The following ROR1 variants were observed in gnomAD, a reference collection of about 807,000 sequenced individuals.
The protein encoded by ROR1 is ROR family WNT receptor 1, also known as inactive tyrosine-protein kinase transmembrane receptor ROR1.
Under a neutral mutation model 78.8 loss-of-function variants are expected in ROR1, and 19 were observed. The ratio of observed to expected loss-of-function variants is 0.24; its 90% CI spans 0.17 to 0.35. ROR1 has a LOEUF of 0.35. Ranked by LOEUF, ROR1 falls within the 10% of genes least tolerant of loss-of-function variation. The pLI is 1.00. For missense variants in ROR1, 917 were observed against 1,177.8 expected (o/e 0.78, Z 3.24); for synonymous variants, 386 against 433.6 (o/e 0.89, Z 1.36).
At chr1:63,980,574 T>G (rs2100508544) in intron 1 of ROR1, among the ~76,000 whole-genome samples, 1 of 152,324 alleles carries the variant, frequency 6.6e-6, no homozygotes, top group South Asian at 2.1e-4. Flanking sequence ...ATGGCATCAT[T>G]TTGGGAGCAA....
At chr1:64,094,104 A>G (rs572117357) in intron 4 of ROR1, among the ~76,000 whole-genome samples, 1 of 152,310 alleles carries the variant, frequency 6.6e-6, no homozygotes, top group African/African-American at 2.4e-5. Context: ...CTCTCTTAAC[A>G]TAAGTTTGAC....
At chr1:63,791,264 T>C (rs971204682) in intron 1 of ROR1, among the ~76,000 whole-genome samples, 5 of 151,956 alleles carry the variant, frequency 3.3e-5, no homozygotes, top group Admixed American at 3.3e-4. Flanking sequence ...GCACAGGTCC[T>C]GGAAGGTGTG....
At chr1:63,894,594 A>G (rs1645424951) in intron 1 of ROR1, among the ~76,000 whole-genome samples, 1 of 152,118 alleles carries the variant, frequency 6.6e-6, no homozygotes, top group Non-Finnish European at 1.5e-5. Flanking sequence ...CTCCTGTAGC[A>G]CAGGGGAGGT....
At chr1:63,839,905 A>C (rs916306617) in intron 1 of ROR1, among the ~76,000 whole-genome samples, 1 of 152,302 alleles carries the variant, frequency 6.6e-6, no homozygotes, top group African/African-American at 2.4e-5. Context: ...TTTGATGAAA[A>C]TCCAAGGTGG....
In ROR1 at chr1:63,806,234, G is replaced by A. The variant is rs148025588; in HGVS notation, c.91+31726G>A. 7.2e-5 allele frequency among the ~76,000 whole-genome samples: 11 copies of A among 152,132 alleles called. No homozygotes were observed. In the South Asian group the frequency reaches 1.7e-3, roughly 23 times the overall value. ...CTTGTTACATAGCCTGGTCAAGTGC[G>A]CTGGAACAAGGGTACTGCTCTGCAG... On this transcript the variant is annotated intron_variant, in intron 1 of 8. Transcript: ENST00000371079.
At chr1:64,138,546 C>CTT (rs1185135650) in intron 5 of ROR1, among the ~76,000 whole-genome samples, 4 of 133,676 alleles carry the variant, frequency 3.0e-5, no homozygotes, top group Admixed American at 7.6e-5. Flanking sequence ...GGGAGGAGGA[C>CTT]TTTTTTTTTT....
intron 4 of ROR1, among the ~76,000 whole-genome samples, chr1:64,099,999 G>A (rs1457415836): frequency 6.6e-6 from 1 of 152,218 alleles, no homozygotes; most frequent in African/African-American, 2.4e-5. Context: ...AGGTTGCAGT[G>A]AGCCAAGATC....
intron 1 of ROR1, among the ~76,000 whole-genome samples, chr1:63,983,384 TA>T (rs1646225986): frequency 6.6e-6 from 1 of 152,188 alleles, no homozygotes; most frequent in Non-Finnish European, 1.5e-5. Context: ...GAGGACTGTC[TA>T]GTGTTTCAGC....
At chr1:63,834,646 ATT>A (rs763900205) in intron 1 of ROR1, among the ~76,000 whole-genome samples, 1 of 152,088 alleles carries the variant, frequency 6.6e-6, no homozygotes, top group Non-Finnish European at 1.5e-5. Context: ...GAGTTATTAC[ATT>A]TCTTCCTCTG....
intron 4 of ROR1, among the ~76,000 whole-genome samples, chr1:64,089,782 G>A (rs1053977172): frequency 2.0e-5 from 3 of 152,122 alleles, no homozygotes; most frequent in Admixed American, 6.5e-5. Context: ...AAGATGATAC[G>A]GTTTGGTTGT....
chr1:63,846,717 G>A (rs550752644), intron 1 of ROR1, among the ~76,000 whole-genome samples: 81 of 152,298 alleles, frequency 5.3e-4, no homozygotes, highest in Non-Finnish European at 7.9e-4. Context: ...AGGGAACTGA[G>A]GCAATAGATA....
chr1:64,128,319 A>G (rs75841453), intron 4 of ROR1, among the ~76,000 whole-genome samples: 1 of 151,624 alleles, frequency 6.6e-6, no homozygotes, highest in African/African-American at 2.4e-5. Context: ...AAGTAAAAAA[A>G]CTAGCCAAGC....
chr1:64,001,986 G>T (rs1041575879), intron 1 of ROR1, among the ~76,000 whole-genome samples: 7 of 152,016 alleles, frequency 4.6e-5, no homozygotes, highest in Non-Finnish European at 1.0e-4. Context: ...GTTGTGGTGG[G>T]GGTGGTGGCT....
intron 1 of ROR1, among the ~76,000 whole-genome samples, chr1:63,954,457 A>G (rs1012605234): frequency 6.6e-6 from 1 of 152,206 alleles, no homozygotes; most frequent in Non-Finnish European, 1.5e-5. Context: ...GGAAGAGGGA[A>G]GAACAGATAT....
intron 4 of ROR1, among the ~76,000 whole-genome samples, chr1:64,110,066 A>G (rs1648024439): frequency 6.6e-6 from 1 of 152,172 alleles, no homozygotes; most frequent in South Asian, 2.1e-4. Context: ...TCCATATCAC[A>G]TAGCACTATC....
chr1:64,145,042 A>T (rs568179524), intron 7 of ROR1, among the ~76,000 whole-genome samples: 1 of 152,308 alleles, frequency 6.6e-6, no homozygotes, highest in Non-Finnish European at 1.5e-5. Context: ...TGATGTCCGA[A>T]CATAGTAAAT....
chr1:63,970,550 A>G (rs1468243402), intron 1 of ROR1, among the ~76,000 whole-genome samples: 1 of 152,120 alleles, frequency 6.6e-6, no homozygotes, highest in Non-Finnish European at 1.5e-5. Flanking sequence ...GCAAACTCAC[A>G]TTGTGTAGTT....
intron 1 of ROR1, among the ~76,000 whole-genome samples, chr1:63,943,741 G>T (rs1274252505): frequency 6.6e-6 from 1 of 152,130 alleles, no homozygotes; most frequent in Non-Finnish European, 1.5e-5. Flanking sequence ...ATTTTCACTT[G>T]TGATTTATTA....
At chr1:64,139,012 C>G (rs1259122837) in intron 5 of ROR1, among the ~76,000 whole-genome samples, 2 of 151,640 alleles carry the variant, frequency 1.3e-5, no homozygotes, top group Non-Finnish European at 2.9e-5. Context: ...AAAAACAATA[C>G]AAATATCAGC....
Sources: allele counts gnomAD v4.1 joint callset (sites outside exome capture counted in the v4.1 genomes callset), GRCh38; gene constraint gnomAD v4.1.1; transcripts MANE v1.5; gene names NCBI Gene and HGNC (gene_info 2026-07-23, HGNC 2026-07-21).